Variants in CHN2 observed in about 807,000 individuals in gnomAD.
CHN2 encodes the protein chimerin 2.
CHN2 carries 35 observed loss-of-function variants against 56.3 expected under a neutral mutation model. The ratio of observed to expected loss-of-function variants is 0.62; its 90% CI spans 0.47 to 0.82. The LOEUF is 0.82. CHN2 is among the 40% of genes least tolerant of loss of function. CHN2 has a pLI of 0.00. For synonymous variants in CHN2, 210 were observed against 212.8 expected (o/e 0.99, Z 0.12); for missense variants, 491 against 580.5 (o/e 0.85, Z 1.58).
chr7:29,256,194 A>G (rs1789063820), intron 1 of CHN2, among the ~76,000 whole-genome samples: 1 of 152,218 alleles, frequency 6.6e-6, no homozygotes. Context: ...CTTGATTTAA[A>G]TGCCATGGGT....
chr7:29,374,847 T>TCCTTCCTTCCTG (rs961509280), intron 3 of CHN2, among the ~76,000 whole-genome samples: 6 of 145,540 alleles, frequency 4.1e-5, no homozygotes, highest in African/African-American at 7.7e-5. Context: ...CTTCCTTCCT[T>TCCTTCCTTCCTG]CCTGCCTCCC....
chr7:29,241,911 G>A (rs189084684), intron 1 of CHN2, among the ~76,000 whole-genome samples: 8 of 152,208 alleles, frequency 5.3e-5, no homozygotes, highest in African/African-American at 1.9e-4. Context: ...CATCCACCTA[G>A]GCAACTTAAG....
At chr7:29,375,465 G>A (rs1224443974) in intron 3 of CHN2, among the ~76,000 whole-genome samples, 1 of 152,120 alleles carries the variant, frequency 6.6e-6, no homozygotes, top group Non-Finnish European at 1.5e-5. Flanking sequence ...CAAAGTGCTG[G>A]GATTACGGGC....
intron 1 of CHN2, among the ~76,000 whole-genome samples, chr7:29,239,227 G>T (rs995214518): frequency 2.0e-5 from 3 of 152,112 alleles, no homozygotes; most frequent in Non-Finnish European, 4.4e-5. Flanking sequence ...TGAAGGTAGA[G>T]CTAGAACAGG....
At chr7:29,383,472 T>C (rs1250234921) in intron 3 of CHN2, among the ~76,000 whole-genome samples, 1 of 152,168 alleles carries the variant, frequency 6.6e-6, no homozygotes, top group Non-Finnish European at 1.5e-5. Context: ...TGACACACAC[T>C]GGGGAGGGCC....
At chr7:29,300,778 T>C (rs558730344) in intron 1 of CHN2, among the ~76,000 whole-genome samples, 2 of 152,250 alleles carry the variant, frequency 1.3e-5, no homozygotes, top group African/African-American at 4.8e-5. Flanking sequence ...AGGAATTCTT[T>C]AAGCAGCAAG....
chr7:29,161,471 C>T (rs539585757), intron 2 of CHN2, among the ~76,000 whole-genome samples: 24 of 152,242 alleles, frequency 1.6e-4, no homozygotes, highest in African/African-American at 5.5e-4. Context: ...TATCTCGAAC[C>T]CCACATTTTT....
intron 6 of CHN2, among the ~76,000 whole-genome samples, chr7:29,470,548 G>T (rs980603407): frequency 6.6e-6 from 1 of 152,146 alleles, no homozygotes; most frequent in African/African-American, 2.4e-5. Flanking sequence ...GAAAACAACC[G>T]GTTAATTTGA....
intron 6 of CHN2, chr7:29,401,178 G>A (rs999480238): frequency 1.2e-5 from 3 of 245,920 alleles, no homozygotes; most frequent in Non-Finnish European, 2.4e-5. Flanking sequence ...TGAGGCAGGA[G>A]AATGGCATGA....
At chr7:29,186,275 T>C (rs1798697276) in intron 2 of CHN2, among the ~76,000 whole-genome samples, 1 of 151,978 alleles carries the variant, frequency 6.6e-6, no homozygotes, top group African/African-American at 2.4e-5. Context: ...GACAGTATCA[T>C]CATAGGTTCA....
chr7:29,510,111 C>T (rs1262182681), intron 12 of CHN2, among the ~76,000 whole-genome samples: 1 of 152,146 alleles, frequency 6.6e-6, no homozygotes, highest in Non-Finnish European at 1.5e-5. Flanking sequence ...AGAGCACATT[C>T]CCAGCCTGGT....
chr7:29,352,300 C>T (rs905361170), intron 1 of CHN2, among the ~76,000 whole-genome samples: 1 of 151,956 alleles, frequency 6.6e-6, no homozygotes, highest in Non-Finnish European at 1.5e-5. Context: ...GAAGACATTA[C>T]AGCTTTGAGT....
chr7:29,313,088 A>C (rs1052984576), intron 1 of CHN2, among the ~76,000 whole-genome samples: 8 of 152,158 alleles, frequency 5.3e-5, no homozygotes, highest in African/African-American at 1.9e-4. Flanking sequence ...ACTCTCTTCC[A>C]AACATTGTCA....
intron 7 of CHN2, among the ~76,000 whole-genome samples, chr7:29,486,983 T>G (rs927611887): frequency 2.9e-4 from 44 of 152,180 alleles, no homozygotes; most frequent in African/African-American, 8.4e-4. Context: ...TGCAAGCCCC[T>G]CTCTCTTCCT....
intron 3 of CHN2, among the ~76,000 whole-genome samples, chr7:29,369,286 A>T (rs75758613): frequency 0.014 from 2,179 of 152,280 alleles, 70 homozygotes; most frequent in African/African-American, 0.05. Context: ...ATGAAAAAAA[A>T]CTTTGTAAAA....
chr7:29,495,854 G>T (rs1789209703), intron 7 of CHN2, 98 bp from the exon 8 acceptor site: 1 of 918,602 alleles, frequency 1.1e-6, no homozygotes, highest in African/African-American at 1.7e-5. Context: ...AAAGCCCAGT[G>T]GGGGATCGCT....
chr7:29,281,114 A>C (rs1791677103), intron 1 of CHN2, among the ~76,000 whole-genome samples: 1 of 152,238 alleles, frequency 6.6e-6, no homozygotes. Context: ...GAAACTCAAA[A>C]TTCATAAAAT....
Position 29,194,905 on chromosome 7 carries a change from G to T in CHN2, c.-37G>T, listed in dbSNP as rs758717535. 1 of 1,510,632 alleles carries T rather than the reference G, an allele frequency of 6.6e-7. No individual in the cohort carries two copies. The highest frequency in any genetic ancestry group is 1.3e-5 in the South Asian group (1 of 78,902). The allele number at this position is 1,510,632 out of a possible 1,614,324, so 93.6% of individuals were successfully genotyped here. The stretch of plus-strand genomic sequence containing the variant: ...GGGCAGCGGCGGCGGCGTCCGCACC[G>T]GGGCTGAGCGAGCAGCGACGCGAGG... On this transcript the variant is annotated 5_prime_UTR_variant, in exon 1 of 13. Transcript: ENST00000222792.
At chr7:29,467,633 C>T (rs1009760547) in intron 6 of CHN2, among the ~76,000 whole-genome samples, 4 of 152,296 alleles carry the variant, frequency 2.6e-5, no homozygotes, top group Non-Finnish European at 4.4e-5. Context: ...GGATATTACA[C>T]TCTAGTGGGG....
Sources: allele counts gnomAD v4.1 joint callset (sites outside exome capture counted in the v4.1 genomes callset), GRCh38; gene constraint gnomAD v4.1.1; transcripts MANE v1.5; gene names NCBI Gene and HGNC (gene_info 2026-07-23, HGNC 2026-07-21).